Variants in PCDH9 observed in about 807,000 individuals in gnomAD.
PCDH9 encodes protocadherin 9.
A neutral mutation model predicts 70.6 loss-of-function variants in PCDH9; 24 were observed. The ratio of observed to expected loss-of-function variants is 0.34; its 90% CI spans 0.25 to 0.48. PCDH9 has a LOEUF of 0.48. Among genes scored for constraint, PCDH9 ranks in the 20% least tolerant of loss-of-function variants. The probability of loss-of-function intolerance (pLI) is 0.99; values close to 1 mark genes in which losing one functional copy is unlikely to be tolerated. For missense variants in PCDH9, 1,281 were observed against 1,503.6 expected (o/e 0.85, Z 2.45); for synonymous variants, 562 against 558.5 (o/e 1.01, Z -0.09).
At chr13:67,071,656 T>C (rs1341385952) in intron 2 of PCDH9, among the ~76,000 whole-genome samples, 2 of 152,010 alleles carry the variant, frequency 1.3e-5, no homozygotes, top group Non-Finnish European at 2.9e-5. Context: ...TTTGAGAGGC[T>C]GAGGCGGTAG....
intron 2 of PCDH9, among the ~76,000 whole-genome samples, chr13:67,065,539 C>T (rs1052335965): frequency 1.3e-5 from 2 of 152,060 alleles, no homozygotes; most frequent in African/African-American, 2.4e-5. Flanking sequence ...CCTGTAATGG[C>T]TAAAAATTCT....
chr13:67,140,344 G>A (rs2087351480), intron 2 of PCDH9, among the ~76,000 whole-genome samples: 1 of 152,086 alleles, frequency 6.6e-6, no homozygotes, highest in Non-Finnish European at 1.5e-5. Context: ...AGATAAGTTT[G>A]CCAGTGGAAA....
intron 4 of PCDH9, among the ~76,000 whole-genome samples, chr13:66,308,358 G>A (rs1955505164): frequency 1.3e-5 from 2 of 151,982 alleles, no homozygotes; most frequent in Admixed American, 1.3e-4. Flanking sequence ...TACTTCCCAT[G>A]ATTCATTCCT....
intron 3 of PCDH9, among the ~76,000 whole-genome samples, chr13:66,896,857 T>C (rs941095275): frequency 2.6e-5 from 4 of 152,232 alleles, no homozygotes; most frequent in African/African-American, 9.6e-5. Flanking sequence ...TGTCCTCTCC[T>C]GACACCTGGC....
intron 2 of PCDH9, among the ~76,000 whole-genome samples, chr13:67,184,469 T>C (rs986586301): frequency 2.0e-5 from 3 of 152,108 alleles, no homozygotes; most frequent in Admixed American, 2.0e-4. Context: ...TGACTCATGC[T>C]TGTAATCACA....
chr13:67,175,242 G>C (rs898613343), intron 2 of PCDH9, among the ~76,000 whole-genome samples: 3 of 152,172 alleles, frequency 2.0e-5, no homozygotes, highest in Non-Finnish European at 4.4e-5. Flanking sequence ...AAGCTTTCCA[G>C]TGACTAAAAG....
intron 2 of PCDH9, among the ~76,000 whole-genome samples, chr13:67,194,798 G>A (rs958849642): frequency 1.3e-5 from 2 of 152,150 alleles, no homozygotes; most frequent in African/African-American, 4.8e-5. Context: ...TTTTTGACAT[G>A]AGGGGCACAG....
chr13:67,129,762 C>G (rs1348245424), intron 2 of PCDH9, among the ~76,000 whole-genome samples: 1 of 151,894 alleles, frequency 6.6e-6, no homozygotes, highest in African/African-American at 2.4e-5. Flanking sequence ...CTACAAGACA[C>G]TACTACAAAA....
chr13:66,333,281 C>T lies in PCDH9; in HGVS notation c.3341-28253G>A, dbSNP rs1305655462. On this transcript the variant is annotated intron_variant, in intron 4 of 4. Transcript: ENST00000377865. ...GATACGATGGAGATTTTATTTTTAA[C>T]CTGCTCCCAGACATTAACTGCATGA... 5.9e-5 allele frequency among the ~76,000 whole-genome samples: 9 copies of T among 152,104 alleles called. No individual in the cohort carries two copies. In the East Asian group the frequency reaches 1.7e-3, roughly 29 times the overall value.
rs547855147 is a variant in PCDH9 at position 66,669,049 on chromosome 13, C to T, written c.3139-37638G>A. ...CATTTGGCTTTAAATTTGACTTGAC[C>T]TCATTGAATCTATTTTAATTGTTTT... On this transcript the variant is annotated intron_variant, in intron 3 of 4. Transcript: ENST00000377865. Among the ~76,000 whole-genome samples the T allele has an allele frequency of 2.0e-5, 3 of 152,096 alleles. No individual in the cohort carries two copies. The South Asian group carries it at 6.2e-4, about 32-fold the overall frequency.
At chr13:67,202,904 A>C (rs2089251236) in intron 2 of PCDH9, 1 of 152,000 alleles carries the variant, frequency 6.6e-6, no homozygotes, top group Non-Finnish European at 1.5e-5. Context: ...TATATTTCCA[A>C]GGTAATAAAG....
intron 4 of PCDH9, among the ~76,000 whole-genome samples, chr13:66,410,383 A>T (rs1957349277): frequency 6.6e-6 from 1 of 152,188 alleles, no homozygotes; most frequent in Non-Finnish European, 1.5e-5. Flanking sequence ...TATACAACTA[A>T]TGAACAATTA....
chr13:66,380,969 C>T (rs78927820), intron 4 of PCDH9, among the ~76,000 whole-genome samples: 2,526 of 152,288 alleles, frequency 0.017, 67 homozygotes, highest in African/African-American at 0.057. Flanking sequence ...CGCGTGTCAA[C>T]TTTCAGTAAG....
chr13:66,355,253 A>G (rs896760195), intron 4 of PCDH9, among the ~76,000 whole-genome samples: 5 of 152,050 alleles, frequency 3.3e-5, no homozygotes, highest in African/African-American at 1.2e-4. Flanking sequence ...TGTATTTGCA[A>G]ATTTGTCACA....
At chr13:67,015,646 A>G (rs912150530) in intron 2 of PCDH9, among the ~76,000 whole-genome samples, 1 of 152,162 alleles carries the variant, frequency 6.6e-6, no homozygotes, top group Admixed American at 6.5e-5. Context: ...ACATACATTG[A>G]ACAGATTCAA....
intron 3 of PCDH9, among the ~76,000 whole-genome samples, chr13:66,638,256 C>A (rs964088689): frequency 6.6e-6 from 1 of 152,146 alleles, no homozygotes; most frequent in Non-Finnish European, 1.5e-5. Context: ...TTTTGACCAG[C>A]AGCTGTGTCA....
intron 4 of PCDH9, among the ~76,000 whole-genome samples, chr13:66,332,090 A>C (rs1955954577): frequency 6.6e-6 from 1 of 152,172 alleles, no homozygotes; most frequent in Non-Finnish European, 1.5e-5. Flanking sequence ...AAAAGCAAAG[A>C]GAAGGCTGCT....
chr13:66,380,667 C>T (rs1372855872), intron 4 of PCDH9, among the ~76,000 whole-genome samples: 1 of 151,064 alleles, frequency 6.6e-6, no homozygotes, highest in Non-Finnish European at 1.5e-5. Context: ...CCTCAGCCTC[C>T]TGAGTAACTG....
intron 3 of PCDH9, among the ~76,000 whole-genome samples, chr13:66,843,379 C>T (rs2081149646): frequency 6.6e-6 from 1 of 151,852 alleles, no homozygotes; most frequent in African/African-American, 2.4e-5. Context: ...CACACATATA[C>T]ATGCAATTAC....
Sources: gnomAD v4.1 joint callset for allele counts (sites outside exome capture counted in the v4.1 genomes callset) on GRCh38, gnomAD v4.1.1 for gene constraint, MANE v1.5 for transcripts, NCBI Gene and HGNC (gene_info 2026-07-23, HGNC 2026-07-21) for gene names.